Variants in PCDH11X observed in about 807,000 individuals in gnomAD.
The protein encoded by PCDH11X is protocadherin-11 X-linked.
Under a neutral mutation model 53.3 loss-of-function variants are expected in PCDH11X, and 18 were observed. The observed-to-expected ratio is 0.34, with a 90% CI of 0.23 to 0.50. The LOEUF (loss-of-function observed/expected upper bound fraction) is 0.50. PCDH11X is among the 20% of genes least tolerant of loss of function. PCDH11X has a pLI of 0.98. For synonymous variants in PCDH11X, 279 were observed against 393.3 expected, an observed-to-expected ratio of 0.71 and a Z score of 3.44; for missense variants, 570 against 1,032.4, an observed-to-expected ratio of 0.55 and a Z score of 6.14.
In PCDH11X at chrX:92,568,499, A is replaced by G. The variant is rs916032600; in HGVS notation, c.3368-49765A>G. Reference sequence around the variant, plus strand: ...AATATTCAGAATAATTAGAAACTTAACAATAAAGCAAATTTCTCTACCACG... The same window carrying G: ...AATATTCAGAATAATTAGAAACTTAGCAATAAAGCAAATTTCTCTACCACG... On this transcript the variant is annotated intron_variant, in intron 10 of 10. Coordinates refer to ENST00000682573, the MANE Select transcript of PCDH11X (RefSeq NM_032968.5). Among the ~76,000 whole-genome samples the G allele has an allele frequency of 7.3e-5, 8 of 108,987 alleles. No homozygotes were observed. In the Admixed American group the frequency reaches 7.9e-4, roughly 11 times the overall value. The allele number at this position is 108,987 out of a possible 115,157, so 94.6% of individuals were successfully genotyped here. A position where few individuals can be genotyped will look rare whatever the true frequency, so the allele number is the denominator to read the frequency against.
At chrX:92,604,550 A>T (rs756185945) in intron 10 of PCDH11X, among the ~76,000 whole-genome samples, 351 of 111,657 alleles carry the variant, frequency 3.1e-3, no homozygotes, top group Non-Finnish European at 5.4e-3. Context: ...GCAAGGAGAA[A>T]CGGGGAAACC....
At chrX:92,534,777 C>G (rs1241085721) in intron 10 of PCDH11X, among the ~76,000 whole-genome samples, 3 of 111,746 alleles carry the variant, frequency 2.7e-5, no homozygotes, top group Admixed American at 9.5e-5. Flanking sequence ...GAATTTTCAA[C>G]CCAGAATTTC....
chrX:92,335,498 C>T (rs1308803229), intron 8 of PCDH11X, among the ~76,000 whole-genome samples: 3 of 108,880 alleles, frequency 2.8e-5, no homozygotes, highest in African/African-American at 1.0e-4. Flanking sequence ...CTATTTATCT[C>T]GAATGGGCTT....
intron 8 of PCDH11X, among the ~76,000 whole-genome samples, chrX:92,366,991 C>T (rs1480537750): frequency 9.2e-6 from 1 of 109,181 alleles, no homozygotes; most frequent in East Asian, 2.9e-4. Context: ...ATGGGGAGTT[C>T]TGTAGATGTC....
intron 6 of PCDH11X, among the ~76,000 whole-genome samples, chrX:92,119,686 C>G (rs2064714028): frequency 9.0e-6 from 1 of 111,364 alleles, no homozygotes; most frequent in African/African-American, 3.3e-5. Flanking sequence ...TCTATTATTT[C>G]TAAATAAACT....
chrX:92,538,740 G>C (rs367953944), intron 10 of PCDH11X, among the ~76,000 whole-genome samples: 1,098 of 99,574 alleles, frequency 0.011, 20 homozygotes, highest in African/African-American at 0.039. Flanking sequence ...TCTATGTTTT[G>C]AAAAGTGTTG....
chrX:92,123,176 C>T (rs979016354), intron 6 of PCDH11X, among the ~76,000 whole-genome samples: 2 of 111,214 alleles, frequency 1.8e-5, no homozygotes, highest in African/African-American at 6.5e-5. Context: ...TTCTGTAATG[C>T]CAACCAATTT....
Position 92,496,042 on chromosome X carries a change from T to C in PCDH11X, c.3367+27720T>C, listed in dbSNP as rs527552090. Among the ~76,000 whole-genome samples the C allele has an allele frequency of 5.0e-5, 5 of 99,628 alleles. No homozygotes were observed. In the South Asian group the frequency reaches 2.4e-3, roughly 49 times the overall value. 86.5% of individuals were successfully genotyped at this position (99,628 alleles called of 115,157 possible). A position where few individuals can be genotyped will look rare whatever the true frequency, so the allele number is the denominator to read the frequency against. On this transcript the variant is annotated intron_variant, in intron 10 of 10. Coordinates refer to ENST00000682573, the MANE Select transcript of PCDH11X (RefSeq NM_032968.5). ...TTTCATTTTCCCAGTACCTACTGCA[T>C]TGACTACCATTTTAGATTTTATCAG...
intron 6 of PCDH11X, among the ~76,000 whole-genome samples, chrX:92,106,727 A>G: frequency 8.9e-6 from 1 of 112,156 alleles, no homozygotes; most frequent in South Asian, 3.7e-4. Flanking sequence ...GATATCACTT[A>G]CATTTTCTAA....
At chrX:92,250,664 C>T (rs2067441885) in intron 7 of PCDH11X, among the ~76,000 whole-genome samples, 1 of 103,084 alleles carries the variant, frequency 9.7e-6, no homozygotes, top group Non-Finnish European at 2.0e-5. Flanking sequence ...AATATTTGGC[C>T]ATAAAAAAGG....
intron 6 of PCDH11X, chrX:92,114,041 G>A (rs1411661018): frequency 1.8e-5 from 22 of 1,189,541 alleles, no homozygotes; most frequent in Admixed American, 4.4e-5. Context: ...ACCTCAGCAC[G>A]CACATTGGTG....
intron 6 of PCDH11X, among the ~76,000 whole-genome samples, chrX:92,167,868 T>C (rs1468466572): frequency 9.0e-6 from 1 of 111,628 alleles, no homozygotes; most frequent in Non-Finnish European, 1.9e-5. Context: ...GAGTCCTGAT[T>C]GGGATGATTG....
chrX:92,411,400 T>C (rs2071643141), intron 9 of PCDH11X, among the ~76,000 whole-genome samples: 1 of 110,621 alleles, frequency 9.0e-6, no homozygotes, highest in African/African-American at 3.3e-5. Flanking sequence ...ACGCATTAAG[T>C]ATTTGTCCTA....
chrX:92,051,610 T>G (rs1011055201), intron 6 of PCDH11X, among the ~76,000 whole-genome samples: 1 of 111,547 alleles, frequency 9.0e-6, no homozygotes, highest in Non-Finnish European at 1.9e-5. Flanking sequence ...TCCTTTATCT[T>G]TGTACATGGG....
chrX:92,420,661 C>T (rs1204859358), intron 9 of PCDH11X: 1 of 187,513 alleles, frequency 5.3e-6, no homozygotes, highest in South Asian at 9.6e-5. Flanking sequence ...AATGAGAGAA[C>T]ATTGGTAATT....
intron 6 of PCDH11X, among the ~76,000 whole-genome samples, chrX:91,953,282 C>G (rs1413657369): frequency 1.8e-5 from 2 of 110,213 alleles, no homozygotes; most frequent in East Asian, 2.9e-4. Flanking sequence ...ATGCCTGTAT[C>G]GAAACATCTT....
intron 8 of PCDH11X, among the ~76,000 whole-genome samples, chrX:92,318,885 A>G (rs1292416962): frequency 9.0e-6 from 1 of 111,667 alleles, no homozygotes; most frequent in African/African-American, 3.3e-5. Context: ...AAGGAAATCC[A>G]TAGTCATTTA....
intron 10 of PCDH11X, among the ~76,000 whole-genome samples, chrX:92,589,753 A>G (rs771046783): frequency 5.6e-4 from 62 of 111,231 alleles, no homozygotes; most frequent in African/African-American, 2.0e-3. Context: ...CTTTCCCTTA[A>G]TTATTCCTGG....
intron 10 of PCDH11X, among the ~76,000 whole-genome samples, chrX:92,603,394 GA>G (rs1329230411): frequency 1.9e-5 from 2 of 106,841 alleles, no homozygotes; most frequent in East Asian, 5.9e-4. Context: ...AAAGAAAGAA[GA>G]AAAAGGAGTG....
Sources: allele counts gnomAD v4.1 joint callset (sites outside exome capture counted in the v4.1 genomes callset), GRCh38; gene constraint gnomAD v4.1.1; transcripts MANE v1.5; gene names NCBI Gene and HGNC (gene_info 2026-07-23, HGNC 2026-07-21).